Variants in SZT2 observed in about 807,000 individuals in gnomAD.
SZT2 encodes the protein SZT2 subunit of KICSTOR complex.
In SZT2, 216 loss-of-function variants were observed where a neutral mutation model predicts 404.2. The observed-to-expected ratio is 0.53, with a 90% CI of 0.48 to 0.60. SZT2 has a LOEUF of 0.60. Among genes scored for constraint, SZT2 ranks in the 20% least tolerant of loss-of-function variants. The probability of loss-of-function intolerance (pLI) is 0.00; values close to 1 mark genes in which losing one functional copy is unlikely to be tolerated. For missense variants in SZT2, 3,857 were observed against 4,459.2 expected (o/e 0.86, Z 3.85); for synonymous variants, 1,693 against 1,749.9 (o/e 0.97, Z 0.81).
chr1:43,444,229 T>C (rs1458792509), intron 62 of SZT2, among the ~76,000 whole-genome samples: 1 of 152,096 alleles, frequency 6.6e-6, no homozygotes, highest in East Asian at 1.9e-4. Context: ...CCCAAGTAGC[T>C]GGGATTACAG....
In SZT2 at chr1:43,431,312, C is replaced by T; in HGVS notation, c.4964C>T (p.Pro1655Leu). 1 of 1,613,548 alleles carries T rather than the reference C, an allele frequency of 6.2e-7. No individual in the cohort carries two copies. Among genetic ancestry groups the T allele is most frequent in the Non-Finnish European group, 8.5e-7 (1 of 1,179,716 alleles). The change falls in exon 34 of 72, where the codon CCA becomes CTA. Residue 1655 changes from proline (P) to leucine (L), a missense_variant. Pro to Leu is a moderately conservative substitution (Grantham distance 98, BLOSUM62 -3). This residue lies in a region of SZT2 where 1,725 missense variants were observed against 1,881.0 expected (regional missense o/e 0.92). Transcript: ENST00000634258. ...TCATTTCCACGATCCCCAGGGCAGCCATCATCTTTAAGGTCAGATGATGGC... is the reference window on the plus strand; with the variant it reads ...TCATTTCCACGATCCCCAGGGCAGCTATCATCTTTAAGGTCAGATGATGGC... ...SASFPRSPGQ[P>L]SSLRSDDGLG...
Position 43,403,712 on chromosome 1 carries a change from T to A in SZT2, c.265T>A (p.Phe89Ile), listed in dbSNP as rs752600433. 6.2e-7 allele frequency: 1 copy of A among 1,614,160 alleles called. No individual in the cohort carries two copies. The highest frequency in any genetic ancestry group is 1.6e-4 in the Middle Eastern group (1 of 6,062). Residue 89 changes from phenylalanine (F) to isoleucine (I), a missense_variant, in exon 3 of 72, where the codon TTC (phenylalanine) becomes ATC (isoleucine). This residue lies in a region of SZT2 where 536 missense variants were observed against 637.4 expected (regional missense o/e 0.84). Coordinates refer to ENST00000634258, the MANE Select transcript of SZT2 (RefSeq NM_001365999.1). Reference protein sequence around the residue: ...FLLVPSTRVTFLAWQYRFVIE... With the variant: ...FLLVPSTRVTILAWQYRFVIE... ...CCTGGTACCTTCCACCCGGGTCACCTTCCTGGCTTGGCAGTATCGGTTTGT... is the reference window on the plus strand; with the variant it reads ...CCTGGTACCTTCCACCCGGGTCACCATCCTGGCTTGGCAGTATCGGTTTGT...
chr1:43,449,936 G>A, intron 70 of SZT2, 167 bp from the exon 71 acceptor site: 2 of 754,654 alleles, frequency 2.7e-6, no homozygotes, highest in Non-Finnish European at 4.5e-6. Flanking sequence ...AGCCAGCGAG[G>A]ATGAGGACTG....
chr1:43,448,012 C>T lies in SZT2; in HGVS notation c.9563+41C>T. ...ACCTTGAACATGCCCATTTCCCAGC[C>T]TGCCCCACCCTGCCCTGTGTGTCTC... On this transcript the variant is annotated intron_variant, in intron 68 of 71. Transcript: ENST00000634258. This position sits in a 1 kb window ranked among gnomAD's most constrained non-coding sequence, Gnocchi z 4.2. 6.2e-7 allele frequency: 1 copy of T among 1,612,046 alleles called. No individual in the cohort carries two copies.
At chr1:43,409,246 G>T (rs1278340606) in intron 4 of SZT2, among the ~76,000 whole-genome samples, 1 of 152,258 alleles carries the variant, frequency 6.6e-6, no homozygotes, top group East Asian at 1.9e-4. Flanking sequence ...TTAGAGAGTA[G>T]TGTACCCTCC....
intron 1 of SZT2, among the ~76,000 whole-genome samples, chr1:43,401,216 T>G (rs976261945): frequency 6.6e-6 from 1 of 152,226 alleles, no homozygotes; most frequent in African/African-American, 2.4e-5. Flanking sequence ...TGAACCGTTA[T>G]GCCCAGCTGT....
chr1:43,420,501 C>G lies in SZT2; in HGVS notation c.1261+178C>G, dbSNP rs1652225508. Among the ~76,000 whole-genome samples, 1 of 152,238 alleles carries G rather than the reference C, an allele frequency of 6.6e-6. No individual in the cohort carries two copies. ...TTAGCATGGAGCTTCCCAATTCTAT[C>G]TCCTTTTGCCCAAGGTGAACCAGCT... On this transcript the variant is annotated intron_variant, in intron 9 of 71. Transcript: ENST00000634258. The surrounding 1 kb of genome is among the most constrained non-coding windows in gnomAD (Gnocchi z 5.1).
Position 43,428,566 on chromosome 1 carries a change from A to G in SZT2, c.4166+80A>G, listed in dbSNP as rs1293389797. Reference sequence around the variant, plus strand: ...AACAAGGACCTTCCAGTCCAGGGGAATGACTGTGCAAGGTAGTATCTAAGC... The same window carrying G: ...AACAAGGACCTTCCAGTCCAGGGGAGTGACTGTGCAAGGTAGTATCTAAGC... On this transcript the variant is annotated intron_variant, in intron 28 of 71. Coordinates refer to ENST00000634258, the MANE Select transcript of SZT2 (RefSeq NM_001365999.1). The G allele has an allele frequency of 1.9e-6, 3 of 1,548,226 alleles. 1 individual carries two copies. Among genetic ancestry groups the G allele is most frequent in the South Asian group, 2.4e-5 (2 of 83,148 alleles).
Position 43,451,317 on chromosome 1 carries a change from G to A in SZT2, c.*837G>A, listed in dbSNP as rs766280321. 1 of 1,613,668 alleles carries A rather than the reference G, an allele frequency of 6.2e-7. No homozygotes were observed. The highest frequency in any genetic ancestry group is 1.1e-5 in the South Asian group (1 of 91,078). On this transcript the variant is annotated 3_prime_UTR_variant, in exon 72 of 72. Coordinates refer to ENST00000634258, the MANE Select transcript of SZT2 (RefSeq NM_001365999.1). Reference sequence around the variant, plus strand: ...CAAGCCCTCTACTGTGTCTCCTGCAGGGAGAGGGAGGCCTCGGCACCTCAG... The same window carrying A: ...CAAGCCCTCTACTGTGTCTCCTGCAAGGAGAGGGAGGCCTCGGCACCTCAG...
At position 43,450,585 on chromosome 1, in the gene SZT2, C is replaced by A; in HGVS notation, c.*105C>A. 1.3e-6 allele frequency: 2 copies of A among 1,500,942 alleles called. No individual in the cohort carries two copies. The highest frequency in any genetic ancestry group is 1.8e-6 in the Non-Finnish European group (2 of 1,101,708). 93.0% of individuals were successfully genotyped at this position (1,500,942 alleles called of 1,614,324 possible). A position where few individuals can be genotyped will look rare whatever the true frequency, so the allele number is the denominator to read the frequency against. ...CAGCCCTTCTGGGCCCCAGGGCAAG[C>A]CAGACACTGAGTGACACCAAAGGCT... On this transcript the variant is annotated 3_prime_UTR_variant, in exon 72 of 72. Transcript: ENST00000634258. This position sits in a 1 kb window ranked among gnomAD's most constrained non-coding sequence, Gnocchi z 4.3.
intron 65 of SZT2, 92 bp downstream of exon 65, chr1:43,446,508 G>A: frequency 6.7e-7 from 1 of 1,494,856 alleles, no homozygotes. Context: ...GTAGAGTAAT[G>A]CAGTAGGCGG....
intron 1 of SZT2, among the ~76,000 whole-genome samples, chr1:43,400,012 C>G (rs1432740815): frequency 6.6e-6 from 1 of 152,036 alleles, no homozygotes; most frequent in Non-Finnish European, 1.5e-5. Context: ...GATCATAGCT[C>G]ATTGCAGCCT....
In SZT2 at chr1:43,425,768, G is replaced by A; in HGVS notation, c.2815-67G>A. ...GCTGGGACTGTTGAAGCTTCCTGAA[G>A]AGCTGGAACCCAGGGTATCCTGGGC... On this transcript the variant is annotated intron_variant, in intron 19 of 71. Coordinates refer to ENST00000634258, the MANE Select transcript of SZT2 (RefSeq NM_001365999.1). The surrounding 1 kb of genome is among the most constrained non-coding windows in gnomAD (Gnocchi z 4.3). 6.3e-7 allele frequency: 1 copy of A among 1,594,306 alleles called. No individual in the cohort carries two copies.
At chr1:43,446,502 A>G (rs1655691176) in intron 65 of SZT2, 86 bp downstream of exon 65, 10 of 1,523,690 alleles carry the variant, frequency 6.6e-6, no homozygotes, top group Non-Finnish European at 9.1e-7. Flanking sequence ...TGGGCAGTAG[A>G]GTAATGCAGT....
At position 43,453,865 on chromosome 1, in the gene SZT2, C is replaced by T; in HGVS notation, c.*3385C>T. ...CGGGCGGCGGGCGGCGGGCGGCGGGCGGGGGCGGGGCTCTCCTTGCTGGCC... is the reference window on the plus strand; with the variant it reads ...CGGGCGGCGGGCGGCGGGCGGCGGGTGGGGGCGGGGCTCTCCTTGCTGGCC... On this transcript the variant is annotated 3_prime_UTR_variant, in exon 72 of 72. Coordinates refer to ENST00000634258, the MANE Select transcript of SZT2 (RefSeq NM_001365999.1). 2 of 888,254 alleles carry T rather than the reference C, an allele frequency of 2.3e-6. No homozygotes were observed. The highest frequency in any genetic ancestry group is 2.9e-6 in the Non-Finnish European group (2 of 684,766). 55.0% of individuals were successfully genotyped at this position (888,254 alleles called of 1,614,324 possible).
chr1:43,433,217 T>A (rs770112367), intron 40 of SZT2, 27 bp downstream of exon 40: 2 of 1,608,584 alleles, frequency 1.2e-6, no homozygotes, highest in Non-Finnish European at 8.5e-7. Context: ...GCCTGCACCC[T>A]CATGCTCCCA....
Position 43,429,920 on chromosome 1 carries a change from G to T in SZT2, c.4308+76G>T, listed in dbSNP as rs1056003389. The T allele has an allele frequency of 1.1e-5, 17 of 1,612,124 alleles. No individual in the cohort carries two copies. The African/African-American group carries it at 2.0e-4, about 19-fold the overall frequency. On this transcript the variant is annotated intron_variant, in intron 29 of 71. Transcript: ENST00000634258. ...GAGGGACAGGATTCTCTCCTGGGCGGGGGGTATGCATGTGTCCTGCTCTAG... is the reference window on the plus strand; with the variant it reads ...GAGGGACAGGATTCTCTCCTGGGCGTGGGGTATGCATGTGTCCTGCTCTAG...
chr1:43,427,278 C>T lies in SZT2; in HGVS notation c.3434-3C>T. The T allele has an allele frequency of 1.2e-6, 2 of 1,608,048 alleles. No individual in the cohort carries two copies. The highest frequency in any genetic ancestry group is 1.1e-5 in the South Asian group (1 of 90,208). The stretch of plus-strand genomic sequence containing the variant: ...GCTCTGATTTATGTCTGATCCTCTT[C>T]AGATGTCCAGCGTCTGGCTGCCTGT... On this transcript the variant is annotated splice_polypyrimidine_tract_variant and splice_region_variant and intron_variant, in intron 24 of 71. Transcript: ENST00000634258.
At chr1:43,390,818 A>C (rs1648204542) in intron 1 of SZT2, among the ~76,000 whole-genome samples, 1 of 152,234 alleles carries the variant, frequency 6.6e-6, no homozygotes, top group Non-Finnish European at 1.5e-5. Flanking sequence ...AAACACCACC[A>C]CCAGGAAAGG....
Sources: gnomAD v4.1 joint callset for allele counts (sites outside exome capture counted in the v4.1 genomes callset) on GRCh38, gnomAD v4.1.1 for gene constraint, gnomAD v4.1.1 regional missense constraint, Gnocchi (gnomAD v3.1) non-coding constraint, MANE v1.5 for transcripts, NCBI Gene and HGNC (gene_info 2026-07-23, HGNC 2026-07-21) for gene names.